ENTPD6: variants seen among roughly 807,000 people sequenced by gnomAD.
ENTPD6 encodes the protein CD39 antigen-like 2.
In ENTPD6, 46 loss-of-function variants were observed where a neutral mutation model predicts 61.5. The ratio of observed to expected loss-of-function variants is 0.75; its 90% CI spans 0.59 to 0.96. The LOEUF is 0.96. Ranked by LOEUF, ENTPD6 falls within the 40% of genes least tolerant of loss-of-function variation. The pLI is 0.00. For synonymous variants in ENTPD6, 252 were observed against 255.5 expected (o/e 0.99, Z 0.13); for missense variants, 612 against 629.0 (o/e 0.97, Z 0.29).
chr20:25,221,767 C>T (rs1475399396), intron 11 of ENTPD6: 1 of 267,010 alleles, frequency 3.7e-6, no homozygotes, highest in Non-Finnish European at 7.4e-6. Flanking sequence ...GTGCTCTGCA[C>T]CCTTGCAGTT....
At chr20:25,196,103 A>T (rs1272045769) in intron 1 of ENTPD6, 2 of 1,117,650 alleles carry the variant, frequency 1.8e-6, no homozygotes, top group Admixed American at 4.3e-5. Context: ...GCCAAATAGC[A>T]GGGGCCTGTA....
At position 25,217,505 on chromosome 20, in the gene ENTPD6, A is replaced by G; in HGVS notation, c.802A>G (p.Thr268Ala). Residue 268 changes from threonine to alanine, a missense_variant, in exon 9 of 15, where the codon ACC becomes GCC. Physicochemically the swap from Thr to Ala is moderately conservative, Grantham distance 58. Transcript: ENST00000376652. ...QIAFLPRVEG[T>A]LQASPPGYLT... Reference sequence around the variant, plus strand: ...AGTTACCCTCGTTCTTCTCCAGGGCACCCTGCAGGCCTCCCCACCCGGCTA... The same window carrying G: ...AGTTACCCTCGTTCTTCTCCAGGGCGCCCTGCAGGCCTCCCCACCCGGCTA... 6.2e-7 allele frequency: 1 copy of G among 1,613,990 alleles called. No individual in the cohort carries two copies. The highest frequency in any genetic ancestry group is 8.5e-7 in the Non-Finnish European group (1 of 1,179,910).
intron 1 of ENTPD6, among the ~76,000 whole-genome samples, chr20:25,201,579 C>T (rs957669998): frequency 3.3e-5 from 5 of 152,180 alleles, no homozygotes; most frequent in African/African-American, 1.2e-4. Context: ...GGTACAGCAA[C>T]CCCTGCTCTC....
chr20:25,215,852 G>A, intron 7 of ENTPD6, 141 bp downstream of exon 7: 1 of 897,410 alleles, frequency 1.1e-6, no homozygotes, highest in Non-Finnish European at 1.8e-6. Flanking sequence ...ACTGACCATA[G>A]GGTGTTGGGG....
chr20:25,214,624 C>A, intron 5 of ENTPD6: 2 of 489,542 alleles, frequency 4.1e-6, no homozygotes, highest in Non-Finnish European at 7.4e-6. Flanking sequence ...ATGGCAGGTG[C>A]CCCTGGGGTT....
chr20:25,224,552 G>C (rs1191432966), intron 13 of ENTPD6: 1 of 165,384 alleles, frequency 6.0e-6, no homozygotes, highest in Non-Finnish European at 1.3e-5. Flanking sequence ...CACACACTAT[G>C]CCTCTCCACT....
In ENTPD6 at chr20:25,226,234, C is replaced by T. The variant is rs941528516; in HGVS notation, c.*637C>T. On this transcript the variant is annotated 3_prime_UTR_variant, in exon 15 of 15. Coordinates refer to ENST00000376652, the MANE Select transcript of ENTPD6 (RefSeq NM_001247.5). The stretch of plus-strand genomic sequence containing the variant: ...GGGTTAATGATGGAGGGAGACACCT[C>T]CTCATAGACGGCAGGTGCCCACCTT... The T allele has an allele frequency of 2.6e-5, 4 of 152,752 alleles. No individual in the cohort carries two copies. Among genetic ancestry groups the T allele is most frequent in the Non-Finnish European group, 4.4e-5 (3 of 68,096 alleles). 9.5% of individuals were successfully genotyped at this position (152,752 alleles called of 1,614,324 possible). A position where few individuals can be genotyped will look rare whatever the true frequency, so the allele number is the denominator to read the frequency against.
chr20:25,206,499 A>G (rs990897020), intron 1 of ENTPD6, 23 bp from the exon 2 acceptor site: 1 of 1,588,356 alleles, frequency 6.3e-7, no homozygotes, highest in African/African-American at 1.3e-5. Context: ...GGAAGTACAC[A>G]GACATTATTT....
At chr20:25,203,641 A>T (rs1253425913) in intron 1 of ENTPD6, among the ~76,000 whole-genome samples, 1 of 151,734 alleles carries the variant, frequency 6.6e-6, no homozygotes, top group Non-Finnish European at 1.5e-5. Context: ...TATTTTCTTG[A>T]TTTCTTTTCA....
At chr20:25,220,344 G>A (rs2092579808) in intron 10 of ENTPD6, among the ~76,000 whole-genome samples, 1 of 152,148 alleles carries the variant, frequency 6.6e-6, no homozygotes, top group African/African-American at 2.4e-5. Flanking sequence ...GGGGTCCTGG[G>A]GTTCTGTGCA....
chr20:25,203,569 TTCTC>T (rs531163944), intron 1 of ENTPD6, among the ~76,000 whole-genome samples: 111 of 152,368 alleles, frequency 7.3e-4, no homozygotes, highest in Admixed American at 1.6e-3. Context: ...AGTTTTGTAT[TTCTC>T]AGCTCCACAA....
Position 25,213,631 on chromosome 20 carries a change from A to C in ENTPD6, c.597+225A>C, listed in dbSNP as rs1044213392. 3.3e-5 allele frequency among the ~76,000 whole-genome samples: 5 copies of C among 152,166 alleles called. No homozygotes were observed. The South Asian group carries it at 6.2e-4, about 19-fold the overall frequency. On this transcript the variant is annotated intron_variant, in intron 5 of 14. Coordinates refer to ENST00000376652, the MANE Select transcript of ENTPD6 (RefSeq NM_001247.5). ...TTTCTGGAGTGAATCTGTGTTTTAT[A>C]ATAAGGAAAGCAACTTGATTTTAGA...
intron 1 of ENTPD6, among the ~76,000 whole-genome samples, chr20:25,198,625 C>T (rs2090739807): frequency 6.6e-6 from 1 of 152,162 alleles, no homozygotes; most frequent in South Asian, 2.1e-4. Context: ...TTTAATTAAA[C>T]ATTTGATGAT....
At chr20:25,200,759 C>G (rs1212109505) in intron 1 of ENTPD6, among the ~76,000 whole-genome samples, 2 of 151,866 alleles carry the variant, frequency 1.3e-5, no homozygotes, top group Non-Finnish European at 2.9e-5. Context: ...CATTTATTTT[C>G]TCTATTTTTC....
intron 1 of ENTPD6, among the ~76,000 whole-genome samples, chr20:25,200,415 G>T (rs1169346716): frequency 6.6e-6 from 1 of 152,050 alleles, no homozygotes; most frequent in Non-Finnish European, 1.5e-5. Flanking sequence ...CTGGGTAGAA[G>T]CCATTTAGTT....
At chr20:25,213,666 T>C (rs1281165196) in intron 5 of ENTPD6, among the ~76,000 whole-genome samples, 1 of 152,200 alleles carries the variant, frequency 6.6e-6, no homozygotes, top group Non-Finnish European at 1.5e-5. Flanking sequence ...AAGTGTACTG[T>C]GGGCCGGGCA....
chr20:25,197,564 C>T (rs2090588430), intron 1 of ENTPD6, among the ~76,000 whole-genome samples: 1 of 152,212 alleles, frequency 6.6e-6, no homozygotes, highest in Admixed American at 6.5e-5. Flanking sequence ...CCACAGAAAC[C>T]CCATTTCCTC....
intron 10 of ENTPD6, among the ~76,000 whole-genome samples, chr20:25,220,235 C>T (rs554143416): frequency 1.3e-5 from 2 of 152,358 alleles, no homozygotes; most frequent in African/African-American, 4.8e-5. Flanking sequence ...TGGAATCTCA[C>T]AGCAGACCAC....
chr20:25,210,865 A>G (rs546276428), intron 4 of ENTPD6, among the ~76,000 whole-genome samples: 36 of 152,254 alleles, frequency 2.4e-4, no homozygotes, highest in African/African-American at 8.4e-4. Flanking sequence ...TCACTTGAAC[A>G]TGGGAAGCAG....
Sources: allele counts gnomAD v4.1 joint callset (sites outside exome capture counted in the v4.1 genomes callset), GRCh38; gene constraint gnomAD v4.1.1; transcripts MANE v1.5; gene names NCBI Gene and HGNC (gene_info 2026-07-23, HGNC 2026-07-21).